ASPM: variants seen among roughly 807,000 people sequenced by gnomAD.
ASPM encodes the protein assembly factor for spindle microtubules.
ASPM carries 256 observed loss-of-function variants against 366.4 expected under a neutral mutation model. That is an observed-to-expected ratio of 0.70 (90% CI 0.63 to 0.77). The LOEUF is 0.77. Ranked by LOEUF, ASPM falls within the 30% of genes least tolerant of loss-of-function variation. The pLI is 0.00. For missense variants in ASPM, 4,146 were observed against 4,090.4 expected, an observed-to-expected ratio of 1.01 and a Z score of -0.37; for synonymous variants, 1,414 against 1,342.9, an observed-to-expected ratio of 1.05 and a Z score of -1.16.
intron 13 of ASPM, 97 bp downstream of exon 13, chr1:197,124,013 A>C (rs1173284761): frequency 1.9e-6 from 2 of 1,072,736 alleles, no homozygotes; most frequent in Non-Finnish European, 2.7e-6. Context: ...AGATGAACTA[A>C]GAAATTCAAG....
intron 15 of ASPM, 49 bp downstream of exon 15, chr1:197,122,110 C>T: frequency 6.9e-6 from 11 of 1,599,098 alleles, no homozygotes; most frequent in Non-Finnish European, 8.6e-6. Flanking sequence ...CTATCATCTT[C>T]TGAGACTTTA....
At chr1:197,121,763 T>C (rs1327593517) in intron 16 of ASPM, 152 bp downstream of exon 16, 2 of 926,174 alleles carry the variant, frequency 2.2e-6, no homozygotes, top group Non-Finnish European at 3.3e-6. Context: ...GAAATACTCA[T>C]ACCTCCCCAA....
chr1:197,095,997 C>T lies in ASPM; in HGVS notation c.8987+1G>A, dbSNP rs1553326840. ...CTCTCCACAGAACTATGATACATTACCGTGTTCTCTCTAGTTTGGTATAGA... is the reference window on the plus strand; with the variant it reads ...CTCTCCACAGAACTATGATACATTATCGTGTTCTCTCTAGTTTGGTATAGA... On this transcript the variant is annotated splice_donor_variant, in intron 19 of 27. Transcript: ENST00000367409. LOFTEE classifies it high-confidence loss of function. 6.2e-7 allele frequency: 1 copy of T among 1,604,096 alleles called. No homozygotes were observed. The highest frequency in any genetic ancestry group is 8.5e-7 in the Non-Finnish European group (1 of 1,172,360).
chr1:197,122,501 C>T lies in ASPM; in HGVS notation c.3485G>A (p.Cys1162Tyr). ...TTCCACAGTTTGAGTAGTACGCTGA[C>T]ATATAGCGTCAAATGGCACATAGCA... Reference protein sequence around the residue: ...HPCYVPFDAICQRTTQTVECT... With the variant: ...HPCYVPFDAIYQRTTQTVECT... Residue 1162 changes from cysteine (C) to tyrosine (Y), a missense_variant, in exon 14 of 28, where the codon TGT (cysteine) becomes TAT (tyrosine). Physicochemically the swap from Cys to Tyr is radical, Grantham distance 194 (BLOSUM62 -2). Around this residue, in one of 3 missense-constraint regions of ASPM, gnomAD observed 3,624 missense variants for 3,591.7 expected, o/e 1.01. Transcript: ENST00000367409. The T allele has an allele frequency of 6.2e-7, 1 of 1,613,512 alleles. No individual in the cohort carries two copies. Among genetic ancestry groups the T allele is most frequent in the Non-Finnish European group, 8.5e-7 (1 of 1,179,670 alleles).
chr1:197,117,821 T>C lies in ASPM; in HGVS notation c.4033A>G (p.Lys1345Glu), dbSNP rs747210446. 1.1e-5 allele frequency: 17 copies of C among 1,612,882 alleles called. No homozygotes were observed. The highest frequency in any genetic ancestry group is 1.7e-4 in the Middle Eastern group (1 of 6,000). The stretch of plus-strand genomic sequence containing the variant: ...AGTGATGCTGCTTTATTTTGAACTT[T>C]TTCCAGCTTTTCCTTTTTTAACATT... The part of the protein sequence containing the change: ...LLMLKKEKLE[K>E]VQNKAASLIQ... The change falls in exon 17 of 28, where the codon AAA becomes GAA. Residue 1345 changes from lysine (K) to glutamate (E), a missense_variant. By Grantham distance (56) the Lys-to-Glu change is moderately conservative. Around this residue, in one of 3 missense-constraint regions of ASPM, gnomAD observed 3,624 missense variants for 3,591.7 expected, o/e 1.01. Transcript: ENST00000367409.
chr1:197,136,277 G>A (rs919317283), intron 4 of ASPM, among the ~76,000 whole-genome samples: 1 of 152,132 alleles, frequency 6.6e-6, no homozygotes. Context: ...ACTCTAGGCA[G>A]TAACTATATA....
At chr1:197,091,455 CG>C (rs1470841428) in intron 22 of ASPM, among the ~76,000 whole-genome samples, 1 of 151,552 alleles carries the variant, frequency 6.6e-6, no homozygotes, top group Non-Finnish European at 1.5e-5. Flanking sequence ...AATGGAAAAA[CG>C]GGCAAAGTGT....
intron 25 of ASPM, among the ~76,000 whole-genome samples, chr1:197,089,083 C>T (rs1353979840): frequency 6.6e-6 from 1 of 151,858 alleles, no homozygotes; most frequent in African/African-American, 2.4e-5. Flanking sequence ...TGTATAGTAA[C>T]AGTTTTGAGT....
intron 3 of ASPM, among the ~76,000 whole-genome samples, chr1:197,141,845 T>C (rs1658593245): frequency 6.6e-6 from 1 of 152,142 alleles, no homozygotes; most frequent in Admixed American, 6.5e-5. Context: ...CTCTGTTCCC[T>C]TAGATTTGTC....
chr1:197,144,973 C>CA (rs1380433347), intron 1 of ASPM, among the ~76,000 whole-genome samples: 1 of 151,212 alleles, frequency 6.6e-6, no homozygotes, highest in Non-Finnish European at 1.5e-5. Context: ...CACATTATAA[C>CA]AAAAAAGAGT....
Position 197,146,150 on chromosome 1 carries a change from G to C in ASPM, c.288C>G (p.Phe96Leu), listed in dbSNP as rs1658769775. The change falls in exon 1 of 28, where the codon TTC (phenylalanine) becomes TTG (leucine). Residue 96 changes from phenylalanine to leucine, a missense_variant. Coordinates refer to ENST00000367409, the MANE Select transcript of ASPM (RefSeq NM_018136.5). ...DLGFSVSQRC[F>L]VLQPKEKIVI... ...TCCTCCTGAGACCTACCTGCAACAC[G>C]AAACAGCGCTGCGACACACTGAAGC... The C allele has an allele frequency of 6.2e-6, 10 of 1,614,054 alleles. No homozygotes were observed. Among genetic ancestry groups the C allele is most frequent in the Non-Finnish European group, 8.5e-6 (10 of 1,179,998 alleles).
intron 17 of ASPM, among the ~76,000 whole-genome samples, chr1:197,114,150 G>A (rs535175122): frequency 5.3e-5 from 8 of 152,232 alleles, no homozygotes; most frequent in African/African-American, 1.4e-4. Context: ...AATACATACC[G>A]AAGTTATCTT....
At chr1:197,112,111 A>T (rs1353119424) in intron 17 of ASPM, among the ~76,000 whole-genome samples, 1 of 152,208 alleles carries the variant, frequency 6.6e-6, no homozygotes. Context: ...ATCAACCTAA[A>T]TGTCCATCAA....
intron 17 of ASPM, among the ~76,000 whole-genome samples, chr1:197,116,897 T>C (rs1055897779): frequency 1.3e-5 from 2 of 152,170 alleles, no homozygotes; most frequent in Non-Finnish European, 2.9e-5. Context: ...GAAAATGGCA[T>C]GATTAGCATA....
intron 6 of ASPM, 93 bp downstream of exon 6, chr1:197,133,257 T>C: frequency 2.2e-6 from 3 of 1,354,338 alleles, no homozygotes; most frequent in Non-Finnish European, 2.0e-6. Flanking sequence ...GTTTTACCTG[T>C]CAATTATATG....
intron 4 of ASPM, chr1:197,139,064 C>T (rs1658503053): frequency 1.3e-6 from 1 of 746,686 alleles, no homozygotes; most frequent in Admixed American, 1.9e-5. Context: ...TTGTCTGGGC[C>T]CAGATCTGTA....
At chr1:197,109,336 ATAAC>A (rs1190800448) in intron 17 of ASPM, among the ~76,000 whole-genome samples, 5 of 152,142 alleles carry the variant, frequency 3.3e-5, no homozygotes, top group African/African-American at 1.2e-4. Flanking sequence ...TAAAAAATAC[ATAAC>A]TAATATTTGA....
At chr1:197,140,966 A>C (rs1263917340) in intron 3 of ASPM, among the ~76,000 whole-genome samples, 1 of 152,222 alleles carries the variant, frequency 6.6e-6, no homozygotes. Context: ...TGGCTATCAA[A>C]GAAAATGCAA....
In ASPM at chr1:197,143,092, A is replaced by C. The variant is rs1658650066; in HGVS notation, c.1160T>G (p.Val387Gly). Residue 387 changes from valine to glycine, a missense_variant, in exon 3 of 28, where the codon GTT becomes GGT. Around this residue, in one of 3 missense-constraint regions of ASPM, gnomAD observed 512 missense variants for 471.7 expected, o/e 1.09. Transcript: ENST00000367409. ...GLNQDLESES[V>G]NPILSPNQFL... is the part of the protein sequence containing the mutation. ...TTGATTAGGGGATAAAATAGGATTAACTGACTCTGATTCTAGATCCTGATT... is the reference window on the plus strand; with the variant it reads ...TTGATTAGGGGATAAAATAGGATTACCTGACTCTGATTCTAGATCCTGATT... 1 of 1,613,042 alleles carries C rather than the reference A, an allele frequency of 6.2e-7. No homozygotes were observed. The highest frequency in any genetic ancestry group is 1.7e-5 in the Admixed American group (1 of 59,986).
Sources: allele counts gnomAD v4.1 joint callset (sites outside exome capture counted in the v4.1 genomes callset), GRCh38; gene constraint gnomAD v4.1.1; regional missense constraint gnomAD v4.1.1; transcripts MANE v1.5; gene names NCBI Gene and HGNC (gene_info 2026-07-23, HGNC 2026-07-21).